VWF: variants seen among roughly 807,000 people sequenced by gnomAD.
VWF encodes von Willebrand factor, also known as Factor VIII related antigen.
In VWF, 176 loss-of-function variants were observed where a neutral mutation model predicts 308.6. The observed-to-expected ratio is 0.57, with a 90% CI of 0.50 to 0.65. The LOEUF (loss-of-function observed/expected upper bound fraction) is 0.65, where lower values mean the gene tolerates loss of function less well. Ranked by LOEUF, VWF falls within the 30% of genes least tolerant of loss-of-function variation. VWF has a pLI of 0.00. For synonymous variants in VWF, 1,385 were observed against 1,443.4 expected (o/e 0.96, Z 0.92); for missense variants, 3,146 against 3,648.2 (o/e 0.86, Z 3.55).
At chr12:6,043,018 C>T (rs2136439126) in intron 18 of VWF, among the ~76,000 whole-genome samples, 1 of 152,200 alleles carries the variant, frequency 6.6e-6, no homozygotes, top group East Asian at 1.9e-4. Context: ...ATTTTTTGTT[C>T]CTACCCAGGT....
Position 6,060,061 on chromosome 12 carries a change from C to A in VWF, c.1534-2017G>T, listed in dbSNP as rs1411165585. On this transcript the variant is annotated intron_variant, in intron 13 of 51. Transcript: ENST00000261405. This position sits in a 1 kb window ranked among gnomAD's most constrained non-coding sequence, Gnocchi z 5.1. ...ACTCTAAAACCAGGTCTTCTCCCATCCCCTTGGCTTGTCTCGGAGGTCAGC... is the reference window on the plus strand; with the variant it reads ...ACTCTAAAACCAGGTCTTCTCCCATACCCTTGGCTTGTCTCGGAGGTCAGC... 6.6e-6 allele frequency among the ~76,000 whole-genome samples: 1 copy of A among 152,122 alleles called. No individual in the cohort carries two copies. Among genetic ancestry groups the A allele is most frequent in the African/African-American group, 2.4e-5 (1 of 41,426 alleles).
At chr12:6,061,826 G>C (rs888793953) in intron 13 of VWF, among the ~76,000 whole-genome samples, 2 of 152,228 alleles carry the variant, frequency 1.3e-5, no homozygotes, top group African/African-American at 4.8e-5. Context: ...CAAGTATAGA[G>C]TGGAATTTTC....
intron 38 of VWF, among the ~76,000 whole-genome samples, chr12:5,989,859 G>A (rs577587590): frequency 2.6e-5 from 4 of 152,308 alleles, no homozygotes; most frequent in African/African-American, 9.6e-5. Flanking sequence ...CTCCTTCTGA[G>A]AGCAAGCATT....
chr12:5,987,558 G>A lies in VWF; in HGVS notation c.6799-1893C>T, dbSNP rs540652427. Among the ~76,000 whole-genome samples the A allele has an allele frequency of 3.3e-5, 5 of 152,260 alleles. No individual in the cohort carries two copies. The South Asian group carries it at 6.2e-4, about 19-fold the overall frequency. ...GTCTGAACACACCATCCTAGCCCTCGAATGGCTGACAGTCAGGTTGAGGAA... is the reference window on the plus strand; with the variant it reads ...GTCTGAACACACCATCCTAGCCCTCAAATGGCTGACAGTCAGGTTGAGGAA... On this transcript the variant is annotated intron_variant, in intron 38 of 51. Coordinates refer to ENST00000261405, the MANE Select transcript of VWF (RefSeq NM_000552.5).
intron 51 of VWF, 117 bp from the exon 52 acceptor site, chr12:5,949,320 T>A: frequency 9.3e-7 from 1 of 1,074,940 alleles, no homozygotes; most frequent in Non-Finnish European, 1.4e-6. Flanking sequence ...AGGTCTGATC[T>A]CACCCAGAAG....
chr12:5,983,017 A>T, intron 41 of VWF, 133 bp downstream of exon 41: 1 of 897,212 alleles, frequency 1.1e-6, no homozygotes, highest in Non-Finnish European at 1.8e-6. Context: ...TTCCAGATGT[A>T]CTCCCAACCC....
chr12:6,036,640 G>A lies in VWF; in HGVS notation c.2443-149C>T, dbSNP rs113008835. 3,748 of 781,236 alleles carry A rather than the reference G, an allele frequency of 4.8e-3. 85 individuals carry two copies. In the African/African-American group the frequency reaches 0.05, roughly 11 times the overall value. 48.4% of individuals were successfully genotyped at this position (781,236 alleles called of 1,614,324 possible). ...CACCAGGACCAGGGCTGAGCCAGGG[G>A]GACAGCTTCCACTGCAGGCCAAGCC... is the stretch of plus-strand genomic sequence containing the variant. On this transcript the variant is annotated intron_variant, in intron 18 of 51. Coordinates refer to ENST00000261405, the MANE Select transcript of VWF (RefSeq NM_000552.5).
At chr12:6,007,209 A>T (rs1359046365) in intron 34 of VWF, among the ~76,000 whole-genome samples, 1 of 152,186 alleles carries the variant, frequency 6.6e-6, no homozygotes, top group African/African-American at 2.4e-5. Context: ...AACTCAAACA[A>T]CACTATGGCC....
rs141666705 is a variant in VWF, at chr12:5,967,497, G to T, written c.7876C>A (p.Pro2626Thr). 6 of 1,613,958 alleles carry T rather than the reference G, an allele frequency of 3.7e-6. No homozygotes were observed. In the African/African-American group the frequency reaches 6.7e-5, roughly 18 times the overall value. The change falls in exon 47 of 52, where the codon CCC becomes ACC. Residue 2626 changes from proline (P) to threonine (T), a missense_variant. Around this residue, in one of 3 missense-constraint regions of VWF, gnomAD observed 989 missense variants for 1,117.4 expected, o/e 0.89. Coordinates refer to ENST00000261405, the MANE Select transcript of VWF (RefSeq NM_000552.5). ...KLECRKTTCN[P>T]CPLGYKEENN... ...TGAGCCTCTCTTACCAGGGGGCAGG[G>T]GTTGCAGGTGGTCTTCCTGCACTCC...
At chr12:6,093,425 C>G (rs1945071877) in intron 6 of VWF, among the ~76,000 whole-genome samples, 1 of 152,178 alleles carries the variant, frequency 6.6e-6, no homozygotes, top group Non-Finnish European at 1.5e-5. Flanking sequence ...AGCTGAGGCC[C>G]CGCTGAAGCT....
chr12:6,101,024 A>G (rs1398458142), intron 5 of VWF, among the ~76,000 whole-genome samples: 3 of 152,228 alleles, frequency 2.0e-5, no homozygotes, highest in Non-Finnish European at 4.4e-5. Context: ...TGGAAATTTC[A>G]TAAAAGAACA....
intron 6 of VWF, among the ~76,000 whole-genome samples, chr12:6,079,433 C>T (rs369519676): frequency 3.3e-5 from 5 of 150,896 alleles, no homozygotes; most frequent in Admixed American, 6.6e-5. Context: ...GGTGAAACCC[C>T]ATCTCTACTA....
chr12:5,991,197 ACACACACACGCATG>A (rs763253310), intron 38 of VWF, among the ~76,000 whole-genome samples: 51 of 138,926 alleles, frequency 3.7e-4, no homozygotes, highest in Admixed American at 1.1e-3. Flanking sequence ...ACACACACAC[ACACACACACGCATG>A]CACACACACG....
At chr12:6,014,614 G>C (rs1944037458) in intron 31 of VWF, among the ~76,000 whole-genome samples, 1 of 152,200 alleles carries the variant, frequency 6.6e-6, no homozygotes. Flanking sequence ...TGGAAGGTTG[G>C]AATTGCCATT....
chr12:6,062,526 A>G (rs71582859), intron 13 of VWF, among the ~76,000 whole-genome samples: 20,101 of 151,576 alleles, frequency 0.13, 1,853 homozygotes, highest in African/African-American at 0.27. Context: ...TGTCCAGGGG[A>G]AGAATCTGGT....
chr12:6,064,160 T>C (rs1264489498), intron 12 of VWF, 86 bp downstream of exon 12: 6 of 1,606,456 alleles, frequency 3.7e-6, no homozygotes, highest in Non-Finnish European at 5.1e-6. Flanking sequence ...TGCAGGTCCT[T>C]AAGGACAGTG....
At position 6,019,634 on chromosome 12, in the gene VWF, T is replaced by A; in HGVS notation, c.3784A>T (p.Ile1262Phe). Reference protein sequence around the residue: ...VSPTTLYVEDISEPPLHDFYC... With the variant: ...VSPTTLYVEDFSEPPLHDFYC... ...AAATCGTGCAACGGCGGTTCCGAGA[T>A]GTCCTCCACATACAGAGTGGTGGGG... The change falls in exon 28 of 52, where the codon ATC becomes TTC. Residue 1262 changes from isoleucine to phenylalanine, a missense_variant. By Grantham distance (21) the Ile-to-Phe change is conservative. This residue lies in a region of VWF where 853 missense variants were observed against 1,177.8 expected (regional missense o/e 0.72). Coordinates refer to ENST00000261405, the MANE Select transcript of VWF (RefSeq NM_000552.5). The surrounding 1 kb of genome is among the most constrained non-coding windows in gnomAD (Gnocchi z 5.8). 6.2e-7 allele frequency: 1 copy of A among 1,613,752 alleles called. No homozygotes were observed. The highest frequency in any genetic ancestry group is 8.5e-7 in the Non-Finnish European group (1 of 1,179,792).
At chr12:6,102,698 G>A (rs1945179166) in intron 5 of VWF, among the ~76,000 whole-genome samples, 1 of 151,470 alleles carries the variant, frequency 6.6e-6, no homozygotes, top group Non-Finnish European at 1.5e-5. Flanking sequence ...TTGTGCCACT[G>A]CACCCAGCCT....
chr12:6,049,477 T>C (rs901591348), intron 16 of VWF, among the ~76,000 whole-genome samples: 2 of 152,156 alleles, frequency 1.3e-5, no homozygotes, highest in African/African-American at 4.8e-5. Context: ...GTTGCTGCCC[T>C]CCCAAGTCAT....
Sources: gnomAD v4.1 joint callset for allele counts (sites outside exome capture counted in the v4.1 genomes callset) on GRCh38, gnomAD v4.1.1 for gene constraint, gnomAD v4.1.1 regional missense constraint, Gnocchi (gnomAD v3.1) non-coding constraint, MANE v1.5 for transcripts, NCBI Gene and HGNC (gene_info 2026-07-23, HGNC 2026-07-21) for gene names.